Variants in FIP1L1 observed in about 807,000 individuals in gnomAD.
FIP1L1 encodes pre-mRNA 3'-end-processing factor FIP1.
Under a neutral mutation model 84.6 loss-of-function variants are expected in FIP1L1, and 21 were observed. The observed-to-expected ratio is 0.25, with a 90% CI of 0.18 to 0.36. The LOEUF (loss-of-function observed/expected upper bound fraction) is 0.36, where lower values mean the gene tolerates loss of function less well. FIP1L1 is among the 10% of genes least tolerant of loss of function. FIP1L1 has a pLI of 1.00. For missense variants in FIP1L1, 526 were observed against 751.1 expected (o/e 0.70, Z 3.50); for synonymous variants, 263 against 242.3 (o/e 1.09, Z -0.80).
chr4:53,447,400 T>C (rs1774675438), intron 15 of FIP1L1, among the ~76,000 whole-genome samples: 1 of 152,166 alleles, frequency 6.6e-6, no homozygotes, highest in Non-Finnish European at 1.5e-5. Flanking sequence ...ATGAGAATAT[T>C]AGTGCGTCTT....
intron 13 of FIP1L1, 61 bp downstream of exon 13, chr4:53,428,244 AT>A: frequency 7.0e-7 from 1 of 1,438,372 alleles, no homozygotes; most frequent in Non-Finnish European, 9.3e-7. Context: ...GTTTTTTAAA[AT>A]TTTTGACAAT....
At chr4:53,426,488 A>G (rs1362332667) in intron 12 of FIP1L1, among the ~76,000 whole-genome samples, 1 of 152,050 alleles carries the variant, frequency 6.6e-6, no homozygotes. Flanking sequence ...TAAAATGTTG[A>G]TGCTCAAAAT....
chr4:53,388,178 A>G (rs1742133627), intron 5 of FIP1L1, among the ~76,000 whole-genome samples: 1 of 152,234 alleles, frequency 6.6e-6, no homozygotes, highest in Admixed American at 6.5e-5. Flanking sequence ...TCTTAAATGT[A>G]GTACATCAGA....
chr4:53,385,518 A>T (rs1187311033), intron 5 of FIP1L1, among the ~76,000 whole-genome samples: 2 of 152,142 alleles, frequency 1.3e-5, no homozygotes, highest in Admixed American at 1.3e-4. Context: ...AAAAAACAAG[A>T]AACTGTGATT....
At chr4:53,399,591 T>C (rs1749184673) in intron 9 of FIP1L1, 139 bp from the exon 10 acceptor site, 1 of 602,498 alleles carries the variant, frequency 1.7e-6, no homozygotes, top group African/African-American at 1.8e-5. Context: ...AATAGGCTAA[T>C]TTTAATAAAT....
intron 10 of FIP1L1, among the ~76,000 whole-genome samples, chr4:53,400,983 CTG>C (rs1749931548): frequency 6.6e-6 from 1 of 152,154 alleles, no homozygotes; most frequent in African/African-American, 2.4e-5. Flanking sequence ...AGCTTGGACT[CTG>C]GAGTCAGATT....
chr4:53,443,722 A>G (rs577682949), intron 14 of FIP1L1, among the ~76,000 whole-genome samples: 2 of 152,254 alleles, frequency 1.3e-5, no homozygotes, highest in East Asian at 1.9e-4. Flanking sequence ...CAAAAAACCA[A>G]TTATTTAAGA....
Position 53,383,773 on chromosome 4 carries a change from A to G in FIP1L1, c.229A>G (p.Lys77Glu), listed in dbSNP as rs1185035486. The G allele has an allele frequency of 6.2e-7, 1 of 1,606,366 alleles. No individual in the cohort carries two copies. The highest frequency in any genetic ancestry group is 1.7e-5 in the Admixed American group (1 of 59,796). Reference protein sequence around the residue: ...ETAENGVPKPKVTETEDDSDS... With the variant: ...ETAENGVPKPEVTETEDDSDS... ...TTATAATTTGTTTATGTTCATGTAG[A>G]AAGTGACTGAGACCGAAGATGATAG... is the stretch of plus-strand genomic sequence containing the variant. The change falls in exon 5 of 18, where the codon AAA (lysine) becomes GAA (glutamate). Residue 77 changes from lysine (K) to glutamate (E), a missense_variant and splice_region_variant. Physicochemically the swap from Lys to Glu is moderately conservative, Grantham distance 56. Around this residue, in one of 6 missense-constraint regions of FIP1L1, gnomAD observed 100 missense variants for 107.2 expected, o/e 0.93. Transcript: ENST00000337488.
At position 53,391,486 on chromosome 4, in the gene FIP1L1, C is replaced by A; in HGVS notation, c.693C>A (p.Phe231Leu). ...GTGCAGAGATCCAAGATGGCAGATT[C>A]AATCTTTTTAAGGTGAATTTTAGTA... Reference protein sequence around the residue: ...TPGAEIQDGRFNLFKVQQGRT... With the variant: ...TPGAEIQDGRLNLFKVQQGRT... The change falls in exon 9 of 18, where the codon TTC becomes TTA. Residue 231 changes from phenylalanine to leucine, a missense_variant. By Grantham distance (22) the Phe-to-Leu change is conservative (BLOSUM62 0). This residue lies in a region of FIP1L1 where 169 missense variants were observed against 206.9 expected (regional missense o/e 0.82). Transcript: ENST00000337488. The A allele has an allele frequency of 6.2e-7, 1 of 1,612,560 alleles. No homozygotes were observed. Among genetic ancestry groups the A allele is most frequent in the South Asian group, 1.1e-5 (1 of 90,988 alleles).
intron 5 of FIP1L1, among the ~76,000 whole-genome samples, chr4:53,387,172 A>C (rs1169233601): frequency 6.6e-6 from 1 of 152,186 alleles, no homozygotes; most frequent in Non-Finnish European, 1.5e-5. Context: ...TATTAGAGAA[A>C]CAGAAATATA....
intron 10 of FIP1L1, among the ~76,000 whole-genome samples, chr4:53,410,838 T>C (rs1175922573): frequency 6.6e-6 from 1 of 152,232 alleles, no homozygotes; most frequent in Non-Finnish European, 1.5e-5. Flanking sequence ...AATTAAATTT[T>C]ATAGGCATGT....
intron 6 of FIP1L1, 42 bp downstream of exon 6, chr4:53,389,915 C>T: frequency 2.1e-6 from 3 of 1,461,558 alleles, no homozygotes; most frequent in Non-Finnish European, 2.8e-6. Context: ...GGAAATAAGG[C>T]ACATATCTTA....
chr4:53,406,159 T>C (rs913016366), intron 10 of FIP1L1, among the ~76,000 whole-genome samples: 14 of 152,192 alleles, frequency 9.2e-5, no homozygotes, highest in African/African-American at 2.9e-4. Context: ...TATAGATAGC[T>C]CTTATTATTT....
chr4:53,377,958 C>T (rs1344448277), intron 1 of FIP1L1, 35 bp downstream of exon 1: 2 of 1,517,750 alleles, frequency 1.3e-6, no homozygotes, highest in Non-Finnish European at 1.8e-6. Context: ...CTCGGGTTCT[C>T]TCAGGCCTCC....
At chr4:53,382,230 T>C in intron 3 of FIP1L1, 48 bp from the exon 4 acceptor site, 2 of 1,341,682 alleles carry the variant, frequency 1.5e-6, no homozygotes, top group South Asian at 2.4e-5. Flanking sequence ...CTATCTGTAC[T>C]TCCGAAAAGT....
intron 9 of FIP1L1, among the ~76,000 whole-genome samples, chr4:53,392,257 G>A (rs1480311167): frequency 2.0e-5 from 3 of 152,192 alleles, no homozygotes; most frequent in African/African-American, 7.2e-5. Flanking sequence ...AAGATTGGGA[G>A]TGGCTTTTAG....
chr4:53,438,808 A>G (rs1020300652), intron 13 of FIP1L1, among the ~76,000 whole-genome samples: 1 of 152,198 alleles, frequency 6.6e-6, no homozygotes, highest in African/African-American at 2.4e-5. Context: ...GTTTTTGAGG[A>G]CTAAAGTTTG....
intron 5 of FIP1L1, among the ~76,000 whole-genome samples, chr4:53,386,080 A>C (rs1474878146): frequency 6.7e-6 from 1 of 148,448 alleles, no homozygotes; most frequent in East Asian, 2.0e-4. Flanking sequence ...TTACAAGTTC[A>C]TTTTATATGT....
chr4:53,446,902 C>T (rs1774422229), intron 15 of FIP1L1, among the ~76,000 whole-genome samples: 1 of 152,124 alleles, frequency 6.6e-6, no homozygotes, highest in Non-Finnish European at 1.5e-5. Context: ...CTCTTGCCCA[C>T]TCTTTCCTGC....
Sources: allele counts gnomAD v4.1 joint callset (sites outside exome capture counted in the v4.1 genomes callset), GRCh38; gene constraint gnomAD v4.1.1; regional missense constraint gnomAD v4.1.1; transcripts MANE v1.5; gene names NCBI Gene and HGNC (gene_info 2026-07-23, HGNC 2026-07-21).